Variants in SHISA6 observed in about 807,000 individuals in gnomAD.
SHISA6 encodes shisa family member 6.
Under a neutral mutation model 47.9 loss-of-function variants are expected in SHISA6, and 22 were observed. The ratio of observed to expected loss-of-function variants is 0.46; its 90% confidence interval spans 0.33 to 0.66. SHISA6 has a LOEUF of 0.66. Among genes scored for constraint, SHISA6 ranks in the 30% least tolerant of loss-of-function variants. The probability of loss-of-function intolerance (pLI) is 0.02; values close to 1 mark genes in which losing one functional copy is unlikely to be tolerated. For missense variants in SHISA6, 680 were observed against 764.6 expected (o/e 0.89, Z 1.30); for synonymous variants, 388 against 337.8 (o/e 1.15, Z -1.63).
rs1438674487 is a variant in SHISA6, at chr17:11,241,341, C to T, written c.-82C>T. 1.1e-6 allele frequency: 1 copy of T among 889,526 alleles called. No individual in the cohort carries two copies. Among genetic ancestry groups the T allele is most frequent in the East Asian group, 1.1e-4 (1 of 8,972 alleles). The allele number at this position is 889,526 out of a possible 1,614,324, so 55.1% of individuals were successfully genotyped here. A position where few individuals can be genotyped will look rare whatever the true frequency, so the allele number is the denominator to read the frequency against. ...CGCTCAGCGCCTCCAGCCCGGCCCG[C>T]GCGGCGGGTCCTCCGAGCCCGGCCC... is the stretch of plus-strand genomic sequence containing the variant. On this transcript the variant is annotated 5_prime_UTR_variant, in exon 1 of 6. Coordinates refer to ENST00000441885, the MANE Select transcript of SHISA6 (RefSeq NM_207386.4). The surrounding 1 kb of genome is among the most constrained non-coding windows in gnomAD (Gnocchi z 5.5).
At chr17:11,550,318 G>A (rs972438791) in intron 3 of SHISA6, among the ~76,000 whole-genome samples, 2 of 152,148 alleles carry the variant, frequency 1.3e-5, no homozygotes, top group Admixed American at 6.5e-5. Flanking sequence ...GCCTCTCAAA[G>A]TGCTGGGATT....
At chr17:11,473,318 T>G (rs1171343423) in intron 3 of SHISA6, among the ~76,000 whole-genome samples, 1 of 146,314 alleles carries the variant, frequency 6.8e-6, no homozygotes, top group Non-Finnish European at 1.5e-5. Context: ...CCATTTTGGG[T>G]TTTTTTTAAT....
intron 3 of SHISA6, among the ~76,000 whole-genome samples, chr17:11,457,889 T>TA (rs1332447636): frequency 1.3e-5 from 2 of 151,842 alleles, no homozygotes; most frequent in African/African-American, 4.8e-5. Context: ...ATTGAGACCA[T>TA]CCTGGCTAAC....
chr17:11,544,961 C>CAAAAAA (rs374571214), intron 3 of SHISA6, among the ~76,000 whole-genome samples: 1 of 62,662 alleles, frequency 1.6e-5, no homozygotes, highest in African/African-American at 5.8e-5. Context: ...ACTCTCTCTC[C>CAAAAAA]AAAAAAAAAA....
chr17:11,537,906 T>C (rs1043755160), intron 3 of SHISA6, among the ~76,000 whole-genome samples: 2 of 152,144 alleles, frequency 1.3e-5, no homozygotes, highest in Admixed American at 1.3e-4. Context: ...AAAGAGTGAA[T>C]GAATGAGACA....
intron 2 of SHISA6, among the ~76,000 whole-genome samples, chr17:11,346,228 A>T (rs368073096): frequency 8.5e-5 from 13 of 152,134 alleles, no homozygotes; most frequent in African/African-American, 3.1e-4. Context: ...TTGTTGTTCA[A>T]GAAAAGACAA....
chr17:11,438,695 G>A (rs768992655), intron 3 of SHISA6, among the ~76,000 whole-genome samples: 1 of 152,142 alleles, frequency 6.6e-6, no homozygotes, highest in African/African-American at 2.4e-5. Context: ...GGGAGTTAGG[G>A]TTTCAACACG....
intron 2 of SHISA6, among the ~76,000 whole-genome samples, chr17:11,309,269 A>G (rs1276783582): frequency 6.6e-6 from 1 of 152,236 alleles, no homozygotes; most frequent in African/African-American, 2.4e-5. Context: ...CCCACTCCAC[A>G]TGAAGCAAGT....
chr17:11,372,640 C>T (rs1386213683), intron 2 of SHISA6, among the ~76,000 whole-genome samples: 1 of 151,094 alleles, frequency 6.6e-6, no homozygotes, highest in African/African-American at 2.4e-5. Flanking sequence ...TACCTGTGTG[C>T]CTTTTCATTA....
At chr17:11,303,221 G>A (rs1369219483) in intron 2 of SHISA6, among the ~76,000 whole-genome samples, 1 of 152,110 alleles carries the variant, frequency 6.6e-6, no homozygotes, top group Non-Finnish European at 1.5e-5. Context: ...GTGTGTGTGT[G>A]TAAGATTCAG....
At chr17:11,535,280 A>G (rs566270033) in intron 3 of SHISA6, among the ~76,000 whole-genome samples, 1 of 152,206 alleles carries the variant, frequency 6.6e-6, no homozygotes, top group South Asian at 2.1e-4. Context: ...AGATTCCCAG[A>G]AAAAGAGCAC....
chr17:11,397,395 CTGTGTG>C (rs3034221), intron 3 of SHISA6, among the ~76,000 whole-genome samples: 7 of 140,426 alleles, frequency 5.0e-5, no homozygotes, highest in Non-Finnish European at 7.6e-5. Context: ...TTACCTGCCT[CTGTGTG>C]TGTGTGTGTG....
intron 3 of SHISA6, among the ~76,000 whole-genome samples, chr17:11,545,244 G>T (rs751255143): frequency 6.6e-6 from 1 of 151,590 alleles, no homozygotes; most frequent in Admixed American, 6.6e-5. Context: ...GCAACAACCC[G>T]GAACAATCTC....
At chr17:11,283,868 T>G (rs1909205809) in intron 2 of SHISA6, among the ~76,000 whole-genome samples, 1 of 152,212 alleles carries the variant, frequency 6.6e-6, no homozygotes, top group Non-Finnish European at 1.5e-5. Flanking sequence ...GGAGGCATAT[T>G]GGAAAATAAT....
intron 2 of SHISA6, among the ~76,000 whole-genome samples, chr17:11,325,665 G>A (rs2142200044): frequency 6.7e-6 from 1 of 149,292 alleles, no homozygotes; most frequent in Non-Finnish European, 1.5e-5. Context: ...GTCTAGAGAA[G>A]CAAAATAATT....
intron 3 of SHISA6, among the ~76,000 whole-genome samples, chr17:11,548,699 T>C (rs1313841438): frequency 6.6e-6 from 1 of 152,134 alleles, no homozygotes; most frequent in Non-Finnish European, 1.5e-5. Flanking sequence ...TGATGTCACA[T>C]TATTAAACTT....
chr17:11,297,102 G>A (rs1909778417), intron 2 of SHISA6, among the ~76,000 whole-genome samples: 2 of 152,102 alleles, frequency 1.3e-5, no homozygotes, highest in South Asian at 4.2e-4. Context: ...GCTTGGAAAA[G>A]GAGTAAAGAA....
intron 3 of SHISA6, among the ~76,000 whole-genome samples, chr17:11,405,543 C>G (rs558986631): frequency 6.6e-6 from 1 of 152,148 alleles, no homozygotes; most frequent in Non-Finnish European, 1.5e-5. Context: ...GTGGCTCACA[C>G]CTGTGATCCC....
intron 3 of SHISA6, among the ~76,000 whole-genome samples, chr17:11,443,071 C>A (rs570642332): frequency 2.4e-4 from 37 of 152,310 alleles, no homozygotes; most frequent in African/African-American, 8.4e-4. Flanking sequence ...TCTCTCTCCC[C>A]CTGGCAGTCT....
Sources: gnomAD v4.1 joint callset for allele counts (sites outside exome capture counted in the v4.1 genomes callset) on GRCh38, gnomAD v4.1.1 for gene constraint, Gnocchi (gnomAD v3.1) non-coding constraint, MANE v1.5 for transcripts, NCBI Gene and HGNC (gene_info 2026-07-23, HGNC 2026-07-21) for gene names.